The following MELTF variants were observed in gnomAD, a reference collection of about 807,000 sequenced individuals.
The protein encoded by MELTF is antigen p97 (melanoma associated) identified by monoclonal antibodies 133.2 and 96.5.
In MELTF, 67 loss-of-function variants were observed where a neutral mutation model predicts 83.7. The observed-to-expected ratio is 0.80, with a 90% confidence interval of 0.66 to 0.98. The LOEUF is 0.98. MELTF is among the 50% of genes least tolerant of loss of function. MELTF has a pLI of 0.00. For synonymous variants in MELTF, 462 were observed against 447.6 expected (o/e 1.03, Z -0.41); for missense variants, 1,002 against 1,035.6 (o/e 0.97, Z 0.44).
Position 197,023,977 on chromosome 3 carries a change from C to G in MELTF, c.487+326G>C, listed in dbSNP as rs535468993. On this transcript the variant is annotated intron_variant, in intron 4 of 15. Transcript: ENST00000296350. ...ATTTCTAGACACAGTGACCTGCGCC[C>G]GGTCTATACTGGTGGGAAGCACTCC... 2.2e-4 allele frequency: 125 copies of G among 570,062 alleles called. 1 individual carries two copies. In the East Asian group the frequency reaches 3.7e-3, roughly 17 times the overall value. 35.3% of individuals were successfully genotyped at this position (570,062 alleles called of 1,614,324 possible).
chr3:197,027,075 TCCA>T (rs1719886850), intron 2 of MELTF: 1 of 353,158 alleles, frequency 2.8e-6, no homozygotes, highest in Admixed American at 3.9e-5. Flanking sequence ...TTTCTGTCCC[TCCA>T]CCCTGCGCCT....
Position 197,029,803 on chromosome 3 carries a change from G to A in MELTF, c.-101C>T. The A allele has an allele frequency of 1.2e-6, 1 of 862,708 alleles. No individual in the cohort carries two copies. Among genetic ancestry groups the A allele is most frequent in the East Asian group, 3.4e-5 (1 of 29,622 alleles). The allele number at this position is 862,708 out of a possible 1,614,324, so 53.4% of individuals were successfully genotyped here. A position where few individuals can be genotyped will look rare whatever the true frequency, so the allele number is the denominator to read the frequency against. On this transcript the variant is annotated 5_prime_UTR_variant, in exon 1 of 16. Coordinates refer to ENST00000296350, the MANE Select transcript of MELTF (RefSeq NM_005929.6). This position sits in a 1 kb window ranked among gnomAD's most constrained non-coding sequence, Gnocchi z 6.5. ...TCCCTGCTCCCCCTCGCGCTGGCCC[G>A]AGCTCCTTAAGTGCGGCCGCGAGTT...
rs1259264768 is a variant in MELTF at position 197,004,032 on chromosome 3, T to C, written c.2006A>G (p.Gln669Arg). The C allele has an allele frequency of 2.5e-6, 4 of 1,614,184 alleles. No individual in the cohort carries two copies. The highest frequency in any genetic ancestry group is 3.4e-6 in the Non-Finnish European group (4 of 1,180,028). ...KMFDSSNYHG[Q>R]DLLFKDATVR... ...GGTGGCATCCTTGAAAAGCAGGTCT[T>C]GGCCATGATAGTTGGAGGAGTCGAA... The change falls in exon 15 of 16, where the codon CAA becomes CGA. Residue 669 changes from glutamine to arginine, a missense_variant. Physicochemically the swap from Gln to Arg is conservative, Grantham distance 43. Coordinates refer to ENST00000296350, the MANE Select transcript of MELTF (RefSeq NM_005929.6).
Position 197,022,467 on chromosome 3 carries a change from C to G in MELTF, c.644+490G>C, listed in dbSNP as rs554715496. ...GAAACGTGAGGTAGCTAGAGGGGCC[C>G]GAGAAGCTTCCTTTCCAATCCTGCT... On this transcript the variant is annotated intron_variant, in intron 5 of 15. Coordinates refer to ENST00000296350, the MANE Select transcript of MELTF (RefSeq NM_005929.6). This position sits in a 1 kb window ranked among gnomAD's most constrained non-coding sequence, Gnocchi z 5.1. Among the ~76,000 whole-genome samples, 2 of 152,168 alleles carry G rather than the reference C, an allele frequency of 1.3e-5. No homozygotes were observed. Among genetic ancestry groups the G allele is most frequent in the African/African-American group, 4.8e-5 (2 of 41,424 alleles).
In MELTF at chr3:197,024,242, C is replaced by T; in HGVS notation, c.487+61G>A. 1.3e-6 allele frequency: 2 copies of T among 1,493,770 alleles called. No homozygotes were observed. The highest frequency in any genetic ancestry group is 1.8e-6 in the Non-Finnish European group (2 of 1,112,052). 92.5% of individuals were successfully genotyped at this position (1,493,770 alleles called of 1,614,324 possible). ...GGAGGCTACCCAGTGAAGGGACGAG[C>T]ATGGGCCAAGGAAAGGAGGGGGAGG... On this transcript the variant is annotated intron_variant, in intron 4 of 15. Transcript: ENST00000296350. The surrounding 1 kb of genome is among the most constrained non-coding windows in gnomAD (Gnocchi z 5.3).
rs764392776 is a variant in MELTF, at chr3:197,027,765, C to A, written c.195G>T (p.Gln65His). Residue 65 changes from glutamine to histidine, a missense_variant, in exon 2 of 16, where the codon CAG becomes CAT. Gln to His is a conservative substitution (Grantham distance 24, BLOSUM62 0). Coordinates refer to ENST00000296350, the MANE Select transcript of MELTF (RefSeq NM_005929.6). ...VRGTSADHCV[Q>H]LIAAQEADAI... The stretch of plus-strand genomic sequence containing the variant: ...AAGGGAGAGGACTCACCGCGATGAG[C>A]TGGACGCAGTGGTCGGCGGAGGTGC... 3.7e-6 allele frequency: 6 copies of A among 1,609,360 alleles called. No individual in the cohort carries two copies. Among genetic ancestry groups the A allele is most frequent in the Admixed American group, 1.7e-5 (1 of 59,824 alleles).
At chr3:197,025,327 C>A (rs1210125075) in intron 3 of MELTF, among the ~76,000 whole-genome samples, 1 of 152,230 alleles carries the variant, frequency 6.6e-6, no homozygotes, top group Non-Finnish European at 1.5e-5. Flanking sequence ...CCCCCGCCAA[C>A]CTGAGTAGCT....
rs1372194853 is a variant in MELTF, at chr3:197,011,593, C to T, written c.1234-799G>A. Among the ~76,000 whole-genome samples the T allele has an allele frequency of 3.3e-5, 5 of 152,124 alleles. No homozygotes were observed. Among genetic ancestry groups the T allele is most frequent in the South Asian group, 2.1e-4 (1 of 4,828 alleles). ...GATGGCGGTTAATAACAGGCAGCGG[C>T]GTTGATATTTGGGGCCAGGAGGGTG... On this transcript the variant is annotated intron_variant, in intron 9 of 15. Coordinates refer to ENST00000296350, the MANE Select transcript of MELTF (RefSeq NM_005929.6). This position sits in a 1 kb window ranked among gnomAD's most constrained non-coding sequence, Gnocchi z 4.2.
rs1407043748 is a variant in MELTF, at chr3:197,022,941, C to A, written c.644+16G>T. 10 of 1,599,406 alleles carry A rather than the reference C, an allele frequency of 6.3e-6. No homozygotes were observed. Among genetic ancestry groups the A allele is most frequent in the East Asian group, 2.2e-5 (1 of 44,668 alleles). ...CCTCCCTGCCCTCGGCCCCTCCCTGCCCCCACTCCGCTCACCGGAAGGCCC... is the reference window on the plus strand; with the variant it reads ...CCTCCCTGCCCTCGGCCCCTCCCTGACCCCACTCCGCTCACCGGAAGGCCC... On this transcript the variant is annotated intron_variant, in intron 5 of 15. Coordinates refer to ENST00000296350, the MANE Select transcript of MELTF (RefSeq NM_005929.6). This position sits in a 1 kb window ranked among gnomAD's most constrained non-coding sequence, Gnocchi z 5.1.
rs568735453 is a variant in MELTF, at chr3:197,017,087, G to T, written c.900+16C>A. 20 of 1,608,180 alleles carry T rather than the reference G, an allele frequency of 1.2e-5. No individual in the cohort carries two copies. In the African/African-American group the frequency reaches 1.9e-4, roughly 15 times the overall value. ...TCTAGGAAGCTGTGCAGGTGGTTGG[G>T]GGACCCTGAGCCCACCTGGCCTTCG... On this transcript the variant is annotated intron_variant, in intron 7 of 15. Transcript: ENST00000296350.
chr3:197,025,179 G>T (rs1719802514), intron 3 of MELTF, among the ~76,000 whole-genome samples: 1 of 152,272 alleles, frequency 6.6e-6, no homozygotes, highest in Non-Finnish European at 1.5e-5. Context: ...GATGCCCAGA[G>T]GGTCTCCCAT....
intron 6 of MELTF, chr3:197,019,201 T>C: frequency 1.0e-6 from 1 of 1,002,992 alleles, no homozygotes; most frequent in Non-Finnish European, 1.2e-6. Context: ...TTCCCAACTT[T>C]CCTGTTTTTC....
chr3:197,006,851 GCC>G lies in MELTF; in HGVS notation c.1751-117_1751-116del. 1 of 967,760 alleles carries G rather than the reference GCC, an allele frequency of 1.0e-6. No individual in the cohort carries two copies. The allele number at this position is 967,760 out of a possible 1,614,324, so 59.9% of individuals were successfully genotyped here. On this transcript the variant is annotated intron_variant, in intron 13 of 15. Transcript: ENST00000296350. This position sits in a 1 kb window ranked among gnomAD's most constrained non-coding sequence, Gnocchi z 5.4. Reference sequence around the variant, plus strand: ...CACCACAGGGAGGTGGCAACATCTGGCCAGCTCCCCAACCCTCTCCATTCTCC... The same window carrying G: ...CACCACAGGGAGGTGGCAACATCTGGAGCTCCCCAACCCTCTCCATTCTCC...
rs557893837 is a variant in MELTF at position 197,018,906 on chromosome 3, G to A, written c.713-1616C>T. 8 of 980,714 alleles carry A rather than the reference G, an allele frequency of 8.2e-6. No homozygotes were observed. The African/African-American group carries it at 1.4e-4, about 17-fold the overall frequency. The allele number at this position is 980,714 out of a possible 1,614,324, so 60.8% of individuals were successfully genotyped here. A position where few individuals can be genotyped will look rare whatever the true frequency, so the allele number is the denominator to read the frequency against. ...AGAGTAACTATTAACACCAAACAGG[G>A]ATATTGAGAAGACGAATATTAAGGA... On this transcript the variant is annotated intron_variant, in intron 6 of 15. Transcript: ENST00000296350.
intron 6 of MELTF, chr3:197,019,623 A>G: frequency 1.2e-6 from 2 of 1,607,896 alleles, no homozygotes; most frequent in Non-Finnish European, 1.7e-6. Context: ...ACATATCCCT[A>G]CTCTTTGCCC....
rs546482082 is a variant in MELTF at position 197,024,550 on chromosome 3, C to G, written c.305-65G>C. On this transcript the variant is annotated intron_variant, in intron 3 of 15. Transcript: ENST00000296350. This position sits in a 1 kb window ranked among gnomAD's most constrained non-coding sequence, Gnocchi z 5.3. ...GCCTCGAGAGAGGCTGCACCAGCACCCTGCCTGGGCGGGCTGTGGGAGAGG... is the reference window on the plus strand; with the variant it reads ...GCCTCGAGAGAGGCTGCACCAGCACGCTGCCTGGGCGGGCTGTGGGAGAGG... 2.9e-4 allele frequency: 411 copies of G among 1,441,158 alleles called. 1 individual carries two copies. The African/African-American group carries it at 5.5e-3, about 19-fold the overall frequency. 89.3% of individuals were successfully genotyped at this position (1,441,158 alleles called of 1,614,324 possible). A position where few individuals can be genotyped will look rare whatever the true frequency, so the allele number is the denominator to read the frequency against.
At position 197,003,779 on chromosome 3, in the gene MELTF, G is replaced by A. The variant is rs565832929; in HGVS notation, c.2137+122C>T. On this transcript the variant is annotated intron_variant, in intron 15 of 15. Transcript: ENST00000296350. The surrounding 1 kb of genome is among the most constrained non-coding windows in gnomAD (Gnocchi z 6.2). ...AAATCCTCCCGGGACACCCCACCTG[G>A]ACTGCTGCGAACGGGCCTCCACCCG... The A allele has an allele frequency of 9.4e-7, 1 of 1,059,382 alleles. No homozygotes were observed. Among genetic ancestry groups the A allele is most frequent in the Non-Finnish European group, 1.4e-6 (1 of 739,164 alleles). The allele number at this position is 1,059,382 out of a possible 1,614,324, so 65.6% of individuals were successfully genotyped here.
intron 8 of MELTF, 71 bp downstream of exon 8, chr3:197,016,118 C>T: frequency 7.3e-7 from 1 of 1,367,250 alleles, no homozygotes; most frequent in Non-Finnish European, 9.7e-7. Flanking sequence ...CGGCCACTTT[C>T]CCAGAGAGCC....
chr3:197,018,740 C>T (rs915408456), intron 6 of MELTF, among the ~76,000 whole-genome samples: 3 of 152,338 alleles, frequency 2.0e-5, no homozygotes, highest in East Asian at 1.9e-4. Flanking sequence ...GCACCGTGCC[C>T]AGCCTCCTTT....
Sources: allele counts gnomAD v4.1 joint callset (sites outside exome capture counted in the v4.1 genomes callset), GRCh38; gene constraint gnomAD v4.1.1; non-coding constraint Gnocchi (gnomAD v3.1); transcripts MANE v1.5; gene names NCBI Gene and HGNC (gene_info 2026-07-23, HGNC 2026-07-21).